CPD: variants seen among roughly 807,000 people sequenced by gnomAD.
The protein encoded by CPD is metallocarboxypeptidase D.
Under a neutral mutation model 138.3 loss-of-function variants are expected in CPD, and 69 were observed. The observed-to-expected ratio is 0.50, with a 90% CI of 0.41 to 0.61. The LOEUF is 0.61. CPD is among the 20% of genes least tolerant of loss of function. CPD has a pLI of 0.00. For missense variants in CPD, 1,432 were observed against 1,733.3 expected (o/e 0.83, Z 3.09); for synonymous variants, 651 against 642.1 (o/e 1.01, Z -0.21).
chr17:30,390,827 A>G (rs370499916), intron 2 of CPD, among the ~76,000 whole-genome samples: 1 of 151,880 alleles, frequency 6.6e-6, no homozygotes, highest in East Asian at 1.9e-4. Flanking sequence ...TCATGGAGTA[A>G]GATGCCTTTT....
intron 20 of CPD, 43 bp from the exon 21 acceptor site, chr17:30,464,545 C>G (rs768563711): frequency 6.5e-7 from 1 of 1,527,688 alleles, no homozygotes; most frequent in Non-Finnish European, 9.0e-7. Context: ...TATTAATATC[C>G]TTAAAGTATA....
intron 14 of CPD, 112 bp downstream of exon 14, chr17:30,451,958 T>G: frequency 4.5e-5 from 45 of 1,010,562 alleles, no homozygotes; most frequent in Non-Finnish European, 5.9e-5. Flanking sequence ...TTGTCTGGGT[T>G]ATGAATGTGA....
In CPD at chr17:30,443,834, T is replaced by A; in HGVS notation, c.2406T>A (p.Asp802Glu). 1 of 1,613,628 alleles carries A rather than the reference T, an allele frequency of 6.2e-7. No individual in the cohort carries two copies. ...AGGGCGTCAGAGGATTTGTTCTAGA[T>A]GCCACAGATGGCAGGGGTATATTAA... is the stretch of plus-strand genomic sequence containing the variant. ...VHQGVRGFVL[D>E]ATDGRGILNA... The change falls in exon 11 of 21, where the codon GAT (aspartate) becomes GAA (glutamate). Residue 802 changes from aspartate (D) to glutamate (E), a missense_variant. Around this residue, in one of 6 missense-constraint regions of CPD, gnomAD observed 297 missense variants for 405.3 expected, o/e 0.73. Transcript: ENST00000225719.
rs1429115786 is a variant in CPD at position 30,422,707 on chromosome 17, G to A, written c.1341G>A (p.Val447=). The change falls in exon 5 of 21, where the codon GTG becomes GTA. Residue 447 remains valine, a synonymous_variant. Coordinates refer to ENST00000225719, the MANE Select transcript of CPD (RefSeq NM_001304.5). ...YMPLTVTNVV[V]KEGPATEVDF... is the part of the protein sequence containing the mutation. ...CATTGACTGTTACTAATGTAGTGGT[G>A]AAAGAAGGACCAGCCACAGAGGTGG... The A allele has an allele frequency of 6.2e-7, 1 of 1,613,320 alleles. No homozygotes were observed. Among genetic ancestry groups the A allele is most frequent in the African/African-American group, 1.3e-5 (1 of 74,990 alleles).
intron 9 of CPD, among the ~76,000 whole-genome samples, 180 bp from the exon 10 acceptor site, chr17:30,442,128 A>C (rs1053982682): frequency 9.2e-5 from 14 of 152,090 alleles, no homozygotes; most frequent in Non-Finnish European, 1.5e-5. Context: ...CTTCTTCCAC[A>C]TGAAGGTATA....
intron 4 of CPD, 50 bp from the exon 5 acceptor site, chr17:30,422,624 A>T (rs755592699): frequency 5.9e-5 from 72 of 1,225,928 alleles, no homozygotes; most frequent in Non-Finnish European, 7.8e-5. Context: ...ATATTAAAGC[A>T]TTGTATGTCT....
At chr17:30,402,506 C>T (rs1401036079) in intron 2 of CPD, among the ~76,000 whole-genome samples, 1 of 152,200 alleles carries the variant, frequency 6.6e-6, no homozygotes, top group Non-Finnish European at 1.5e-5. Context: ...GCAGAGGTTG[C>T]AGTGAACTGA....
At chr17:30,456,432 C>A (rs1216645742) in intron 16 of CPD, 30 bp from the exon 17 acceptor site, 1 of 1,613,086 alleles carries the variant, frequency 6.2e-7, no homozygotes. Context: ...TAAGGTCTTC[C>A]TGATTCCACA....
At position 30,460,240 on chromosome 17, in the gene CPD, G is replaced by A. The variant is rs1289258363; in HGVS notation, c.3499-940G>A. Among the ~76,000 whole-genome samples, 4 of 152,180 alleles carry A rather than the reference G, an allele frequency of 2.6e-5. No homozygotes were observed. In the East Asian group the frequency reaches 7.7e-4, roughly 29 times the overall value. ...ATTTAGTTAGAATATGGGGTGTAAT[G>A]CAGAGCCACAGAAGTTTAAGAATGG... On this transcript the variant is annotated intron_variant, in intron 17 of 20. Transcript: ENST00000225719.
At chr17:30,380,591 A>G in intron 1 of CPD, 1 of 1,507,702 alleles carries the variant, frequency 6.6e-7, no homozygotes, top group Non-Finnish European at 8.8e-7. Context: ...TAGAAGAAGG[A>G]GGACCTCAAG....
In CPD at chr17:30,379,277, C is replaced by G; in HGVS notation, c.297C>G (p.Leu99=). 2 of 1,510,760 alleles carry G rather than the reference C, an allele frequency of 1.3e-6. No homozygotes were observed. Among genetic ancestry groups the G allele is most frequent in the South Asian group, 2.4e-5 (2 of 81,990 alleles). 93.6% of individuals were successfully genotyped at this position (1,510,760 alleles called of 1,614,324 possible). The stretch of plus-strand genomic sequence containing the variant: ...GCCGGCCGCTGTGGGTGCTTCGCCT[C>G]ACCGCCGGCCTGGGGTCGCTAATCC... ...VEGRPLWVLR[L]TAGLGSLIPE... The change falls in exon 1 of 21, where the codon CTC becomes CTG. Residue 99 remains leucine (L), a synonymous_variant. Transcript: ENST00000225719. This position sits in a 1 kb window ranked among gnomAD's most constrained non-coding sequence, Gnocchi z 7.0.
At chr17:30,416,860 T>A (rs1483475850) in intron 2 of CPD, among the ~76,000 whole-genome samples, 1 of 152,134 alleles carries the variant, frequency 6.6e-6, no homozygotes, top group Non-Finnish European at 1.5e-5. Context: ...CCCAGCACTT[T>A]GGGAGGCTGA....
intron 1 of CPD, among the ~76,000 whole-genome samples, chr17:30,383,027 A>C (rs576540531): frequency 6.6e-6 from 1 of 152,182 alleles, no homozygotes; most frequent in Admixed American, 6.6e-5. Flanking sequence ...ATACTTAAAA[A>C]TTGTTTTAGA....
intron 6 of CPD, among the ~76,000 whole-genome samples, chr17:30,424,827 A>G (rs957977725): frequency 6.6e-6 from 1 of 152,196 alleles, no homozygotes; most frequent in East Asian, 1.9e-4. Flanking sequence ...AATGATATCT[A>G]TCAGGCACCA....
intron 2 of CPD, among the ~76,000 whole-genome samples, chr17:30,420,222 T>A (rs7221744): frequency 0.51 from 78,246 of 151,944 alleles, 20,781 homozygotes; most frequent in East Asian, 0.82. Flanking sequence ...TTGAAAGAAT[T>A]TATTGTGTCT....
intron 20 of CPD, among the ~76,000 whole-genome samples, chr17:30,464,301 A>G (rs1913571884): frequency 1.3e-5 from 2 of 152,130 alleles, no homozygotes; most frequent in South Asian, 4.2e-4. Flanking sequence ...AGGTGGGAGG[A>G]TTACACACAC....
At chr17:30,400,815 G>A (rs1460683368) in intron 2 of CPD, among the ~76,000 whole-genome samples, 8 of 146,142 alleles carry the variant, frequency 5.5e-5, no homozygotes, top group African/African-American at 1.8e-4. Flanking sequence ...CTACCACCAC[G>A]CCCGGTTAAT....
intron 2 of CPD, among the ~76,000 whole-genome samples, chr17:30,397,370 A>AT (rs985770068): frequency 1.3e-5 from 2 of 152,172 alleles, no homozygotes; most frequent in Non-Finnish European, 2.9e-5. Context: ...ACTTTCAAGC[A>AT]TGCAGGTATA....
Position 30,462,463 on chromosome 17 carries a change from G to C in CPD, c.3910G>C (p.Val1304Leu). ...FGLPRELVVT[V>L]SGATMSALIL... ...TTTGCCAAGGGAGCTTGTGGTAACT[G>C]TATCAGGTAAAGACATTTTGATTTT... The change falls in exon 20 of 21, where the codon GTA (valine) becomes CTA (leucine). Residue 1304 changes from valine (V) to leucine (L), a missense_variant. Physicochemically the swap from Val to Leu is conservative, Grantham distance 32. Transcript: ENST00000225719. 1 of 1,612,048 alleles carries C rather than the reference G, an allele frequency of 6.2e-7. No individual in the cohort carries two copies. The highest frequency in any genetic ancestry group is 8.5e-7 in the Non-Finnish European group (1 of 1,178,406).
Sources: gnomAD v4.1 joint callset for allele counts (sites outside exome capture counted in the v4.1 genomes callset) on GRCh38, gnomAD v4.1.1 for gene constraint, gnomAD v4.1.1 regional missense constraint, Gnocchi (gnomAD v3.1) non-coding constraint, MANE v1.5 for transcripts, NCBI Gene and HGNC (gene_info 2026-07-23, HGNC 2026-07-21) for gene names.